The following FNDC1 variants were observed in gnomAD, a reference collection of about 807,000 sequenced individuals.
FNDC1 encodes fibronectin type III domain containing 1.
FNDC1 carries 96 observed loss-of-function variants against 168.0 expected under a neutral mutation model. The ratio of observed to expected loss-of-function variants is 0.57; its 90% CI spans 0.48 to 0.68. The LOEUF is 0.68. FNDC1 is among the 30% of genes least tolerant of loss of function. FNDC1 has a pLI of 0.00. For missense variants in FNDC1, 2,587 were observed against 2,482.1 expected (o/e 1.04, Z -0.90); for synonymous variants, 1,099 against 1,025.9 (o/e 1.07, Z -1.36).
rs1783100673 is a variant in FNDC1 at position 159,232,196 on chromosome 6, C to G, written c.1684C>G (p.Gln562Glu). Residue 562 changes from glutamine to glutamate, a missense_variant, in exon 11 of 23, where the codon CAG becomes GAG. Physicochemically the swap from Gln to Glu is conservative, Grantham distance 29. Coordinates refer to ENST00000297267, the MANE Select transcript of FNDC1 (RefSeq NM_032532.3). The surrounding 1 kb of genome is among the most constrained non-coding windows in gnomAD (Gnocchi z 4.9). ...CATGTCACCCTCAGACACCCAAGACCAGAAACGGACCCTGAGGCCGCCAAG... is the reference window on the plus strand; with the variant it reads ...CATGTCACCCTCAGACACCCAAGACGAGAAACGGACCCTGAGGCCGCCAAG... Reference protein sequence around the residue: ...SPMSPSDTQDQKRTLRPPSRH... With the variant: ...SPMSPSDTQDEKRTLRPPSRH... The G allele has an allele frequency of 6.2e-7, 1 of 1,613,696 alleles. No homozygotes were observed. Among genetic ancestry groups the G allele is most frequent in the Non-Finnish European group, 8.5e-7 (1 of 1,179,808 alleles).
At chr6:159,235,940 C>T (rs1783243643) in intron 11 of FNDC1, among the ~76,000 whole-genome samples, 2 of 152,338 alleles carry the variant, frequency 1.3e-5, no homozygotes, top group African/African-American at 2.4e-5. Flanking sequence ...CTTAAGTTTT[C>T]TATGGCAAAT....
intron 6 of FNDC1, among the ~76,000 whole-genome samples, chr6:159,222,483 G>A (rs548150047): frequency 6.6e-6 from 1 of 152,160 alleles, no homozygotes; most frequent in Admixed American, 6.5e-5. Context: ...TTGAAACACG[G>A]TCCCTGAAAA....
At chr6:159,230,359 C>G (rs1783055408) in intron 10 of FNDC1, among the ~76,000 whole-genome samples, 1 of 152,060 alleles carries the variant, frequency 6.6e-6, no homozygotes, top group Non-Finnish European at 1.5e-5. Flanking sequence ...TTCTATGTAG[C>G]TTTAAAAATG....
At chr6:159,216,495 T>C (rs1782712416) in intron 5 of FNDC1, among the ~76,000 whole-genome samples, 1 of 152,174 alleles carries the variant, frequency 6.6e-6, no homozygotes, top group South Asian at 2.1e-4. Flanking sequence ...TAGGCTTGGC[T>C]CTCTGAGGGG....
intron 4 of FNDC1, among the ~76,000 whole-genome samples, chr6:159,201,863 TAC>T (rs983178249): frequency 7.2e-5 from 11 of 152,242 alleles, no homozygotes; most frequent in African/African-American, 1.2e-4. Context: ...TCCTTCCTGA[TAC>T]AGTTTTTTGA....
At chr6:159,269,234 T>TATC (rs1255890740) in intron 22 of FNDC1, among the ~76,000 whole-genome samples, 4 of 130,590 alleles carry the variant, frequency 3.1e-5, no homozygotes, top group East Asian at 2.5e-4. Context: ...TCTATCTATC[T>TATC]ATCTATCTAT....
At chr6:159,216,693 C>T (rs182720724) in intron 5 of FNDC1, among the ~76,000 whole-genome samples, 35 of 152,366 alleles carry the variant, frequency 2.3e-4, no homozygotes, top group Non-Finnish European at 4.4e-4. Context: ...CACGCAGGGC[C>T]CAGGGCTGCT....
At position 159,223,514 on chromosome 6, in the gene FNDC1, C is replaced by T. The variant is rs769121625; in HGVS notation, c.767-14C>T. 7.9e-5 allele frequency: 125 copies of T among 1,577,570 alleles called. No homozygotes were observed. The highest frequency in any genetic ancestry group is 1.0e-4 in the Non-Finnish European group (115 of 1,150,556). The stretch of plus-strand genomic sequence containing the variant: ...TGAGAGAAAGCCTTTCTCTGGGTCT[C>T]GTTGTCATTTCAGAAGAGGACGAAT... On this transcript the variant is annotated splice_polypyrimidine_tract_variant and intron_variant, in intron 6 of 22. Transcript: ENST00000297267.
chr6:159,239,851 C>T lies in FNDC1; in HGVS notation c.4515C>T (p.Pro1505=). The T allele has an allele frequency of 1.3e-6, 2 of 1,550,224 alleles. No individual in the cohort carries two copies. The highest frequency in any genetic ancestry group is 1.7e-6 in the Non-Finnish European group (2 of 1,146,032). The part of the protein sequence containing the change: ...TRTTTTTTPT[P]TTPIPTCPPG... ...CAACCACCACCACCACCCCCACACC[C>T]ACCACTCCCATCCCCACCTGTCCCC... Residue 1505 remains proline (P), a synonymous_variant, in exon 14 of 23, where the codon CCC becomes CCT. Transcript: ENST00000297267.
rs147541060 is a variant in FNDC1 at position 159,264,640 on chromosome 6, C to T, written c.5255-335C>T. Among the ~76,000 whole-genome samples the T allele has an allele frequency of 3.2e-4, 48 of 152,246 alleles. 1 individual carries two copies. The South Asian group carries it at 6.2e-3, about 20-fold the overall frequency. ...ATGGATGGATTTTGTAGTAGGTGTA[C>T]GCTCACCTTTTTAAGAAACCACCAC... is the stretch of plus-strand genomic sequence containing the variant. On this transcript the variant is annotated intron_variant, in intron 19 of 22. Transcript: ENST00000297267.
At chr6:159,269,514 G>GCATCCATCCATCCATCCATC (rs1159382501) in intron 22 of FNDC1, among the ~76,000 whole-genome samples, 2 of 86,006 alleles carry the variant, frequency 2.3e-5, no homozygotes, top group African/African-American at 8.8e-5. Context: ...ATCCATCCAT[G>GCATCCATCCATCCATCCATC]CATCCATCCA....
intron 4 of FNDC1, among the ~76,000 whole-genome samples, chr6:159,205,524 G>A (rs1782468996): frequency 1.3e-5 from 2 of 152,248 alleles, no homozygotes; most frequent in African/African-American, 2.4e-5. Context: ...ACCTGGCTCC[G>A]GCTCCAGGTT....
chr6:159,207,941 T>C (rs1250244250), intron 4 of FNDC1, among the ~76,000 whole-genome samples: 2 of 152,222 alleles, frequency 1.3e-5, no homozygotes, highest in Non-Finnish European at 2.9e-5. Context: ...TGAGGCCATC[T>C]CTGTGTTATA....
chr6:159,271,380 G>A lies in FNDC1; in HGVS notation c.5623G>A (p.Gly1875Arg), dbSNP rs1219737934. ...EPVRFGNIGF[G>R]TPYYYVGWYE... The stretch of plus-strand genomic sequence containing the variant: ...TGTCAGGTTTGGGAACATCGGCTTC[G>A]GAACCCCCTACTACTATGTGGGCTG... The change falls in exon 23 of 23, where the codon GGA becomes AGA. Residue 1875 changes from glycine (G) to arginine (R), a missense_variant. Coordinates refer to ENST00000297267, the MANE Select transcript of FNDC1 (RefSeq NM_032532.3). 16 of 1,612,500 alleles carry A rather than the reference G, an allele frequency of 9.9e-6. No individual in the cohort carries two copies. The highest frequency in any genetic ancestry group is 4.4e-5 in the South Asian group (4 of 90,580).
chr6:159,251,520 G>A lies in FNDC1; in HGVS notation c.5053G>A (p.Asp1685Asn). 6.2e-7 allele frequency: 1 copy of A among 1,613,494 alleles called. No individual in the cohort carries two copies. The highest frequency in any genetic ancestry group is 2.2e-5 in the East Asian group (1 of 44,864). The change falls in exon 17 of 23, where the codon GAT becomes AAT. Residue 1685 changes from aspartate to asparagine, a missense_variant. Coordinates refer to ENST00000297267, the MANE Select transcript of FNDC1 (RefSeq NM_032532.3). Reference sequence around the variant, plus strand: ...GGACTGGGACAAAGCCACCCCAGGAGATGTGGTCACAGGTGTGTCCTAAGC... The same window carrying A: ...GGACTGGGACAAAGCCACCCCAGGAAATGTGGTCACAGGTGTGTCCTAAGC... ...IVDWDKATPG[D>N]VVTGYLVYSA... is the part of the protein sequence containing the mutation.
intron 1 of FNDC1, among the ~76,000 whole-genome samples, chr6:159,191,585 T>C (rs1782140456): frequency 6.6e-6 from 1 of 152,226 alleles, no homozygotes; most frequent in Admixed American, 6.5e-5. Flanking sequence ...CTACAACGAT[T>C]ATGTGAGTGG....
intron 4 of FNDC1, among the ~76,000 whole-genome samples, chr6:159,205,825 T>C (rs1007065947): frequency 1.3e-5 from 2 of 152,252 alleles, no homozygotes; most frequent in Admixed American, 6.5e-5. Flanking sequence ...TTTTTTACCC[T>C]ACTTTGAATG....
In FNDC1 at chr6:159,234,124, C is replaced by T. The variant is rs771575419; in HGVS notation, c.3612C>T (p.Pro1204=). 3.1e-6 allele frequency: 5 copies of T among 1,604,430 alleles called. No individual in the cohort carries two copies. Among genetic ancestry groups the T allele is most frequent in the Non-Finnish European group, 4.3e-6 (5 of 1,175,248 alleles). The change falls in exon 11 of 23, where the codon CCC becomes CCT. Residue 1204 remains proline (P), a synonymous_variant. Coordinates refer to ENST00000297267, the MANE Select transcript of FNDC1 (RefSeq NM_032532.3). ...TGTCTTCCTCTGTGCCAAAGTGGCCCTCTTCCTCCACTCCCAGGGGCGGCA... is the reference window on the plus strand; with the variant it reads ...TGTCTTCCTCTGTGCCAAAGTGGCCTTCTTCCTCCACTCCCAGGGGCGGCA... ...DLLSSSVPKW[P]SSSTPRGGKD...
At position 159,239,679 on chromosome 6, in the gene FNDC1, C is replaced by T. The variant is rs747075731; in HGVS notation, c.4343C>T (p.Thr1448Ile). ...ATCAAAAAAACCACCCATCCCCCTA[C>T]CACTACCATGCAGCCCACCACTACT... ...EVIKKTTHPP[T>I]TTMQPTTTTT... Residue 1448 changes from threonine to isoleucine, a missense_variant, in exon 14 of 23, where the codon ACC becomes ATC. Coordinates refer to ENST00000297267, the MANE Select transcript of FNDC1 (RefSeq NM_032532.3). 8.4e-6 allele frequency: 13 copies of T among 1,551,344 alleles called. No individual in the cohort carries two copies. In the Admixed American group the frequency reaches 2.0e-4, roughly 23 times the overall value.
Sources: allele counts gnomAD v4.1 joint callset (sites outside exome capture counted in the v4.1 genomes callset), GRCh38; gene constraint gnomAD v4.1.1; non-coding constraint Gnocchi (gnomAD v3.1); transcripts MANE v1.5; gene names NCBI Gene and HGNC (gene_info 2026-07-23, HGNC 2026-07-21).